EYA1: variants seen among roughly 807,000 people sequenced by gnomAD.
The protein encoded by EYA1 is protein phosphatase EYA1.
Under a neutral mutation model 82.0 loss-of-function variants are expected in EYA1, and 16 were observed. The ratio of observed to expected loss-of-function variants is 0.20; its 90% CI spans 0.13 to 0.30. The LOEUF is 0.30. EYA1 is among the 10% of genes least tolerant of loss of function. EYA1 has a pLI of 1.00. For synonymous variants in EYA1, 261 were observed against 264.4 expected, an observed-to-expected ratio of 0.99 and a Z score of 0.12; for missense variants, 633 against 730.7, an observed-to-expected ratio of 0.87 and a Z score of 1.54.
chr8:71,344,059 C>T (rs540146060), intron 3 of EYA1, among the ~76,000 whole-genome samples: 1 of 152,074 alleles, frequency 6.6e-6, no homozygotes, highest in Non-Finnish European at 1.5e-5. Context: ...AAGTAAGTTG[C>T]AGATATAATA....
rs184643035 is a variant in EYA1 at position 71,309,540 on chromosome 8, T to A, written c.556+8012A>T. Among the ~76,000 whole-genome samples, 15 of 152,390 alleles carry A rather than the reference T, an allele frequency of 9.8e-5. No homozygotes were observed. The East Asian group carries it at 2.7e-3, about 27-fold the overall frequency. On this transcript the variant is annotated intron_variant, in intron 7 of 17. Coordinates refer to ENST00000340726, the MANE Select transcript of EYA1 (RefSeq NM_000503.6). ...AATGCTTTATCACAGATTACTTTTT[T>A]AAGCTTAATGTATATTTTCCTAAAA...
intron 2 of EYA1, among the ~76,000 whole-genome samples, chr8:71,487,561 AG>A (rs1170463548): frequency 6.6e-6 from 1 of 152,200 alleles, no homozygotes; most frequent in East Asian, 1.9e-4. Flanking sequence ...CTCTACCAAA[AG>A]CTCAAGATCT....
chr8:71,372,273 T>C (rs1828128077), intron 2 of EYA1, among the ~76,000 whole-genome samples: 1 of 152,128 alleles, frequency 6.6e-6, no homozygotes, highest in South Asian at 2.1e-4. Flanking sequence ...TTCTAGAAAG[T>C]AGTAAAGCAA....
rs183378129 is a variant in EYA1, at chr8:71,248,952, T to A, written c.1051-4260A>T. 1.1e-4 allele frequency among the ~76,000 whole-genome samples: 16 copies of A among 152,318 alleles called. No homozygotes were observed. In the East Asian group the frequency reaches 3.1e-3, roughly 29 times the overall value. On this transcript the variant is annotated intron_variant, in intron 11 of 17. Coordinates refer to ENST00000340726, the MANE Select transcript of EYA1 (RefSeq NM_000503.6). Reference sequence around the variant, plus strand: ...CCAGGTCTTTAGTTTAATCTTACTATTTTTATAATACATAATTTTCTTGCA... The same window carrying A: ...CCAGGTCTTTAGTTTAATCTTACTAATTTTATAATACATAATTTTCTTGCA...
Position 71,211,181 on chromosome 8 carries a change from A to G in EYA1, c.1673T>C (p.Val558Ala), listed in dbSNP as rs376013085. The G allele has an allele frequency of 8.7e-6, 14 of 1,612,544 alleles. No homozygotes were observed. Among genetic ancestry groups the G allele is most frequent in the Middle Eastern group, 3.3e-4 (2 of 6,084 alleles). ...CTTTTTTGCTCCTTGTTCTTCTTCT[A>G]CACCATCTCCTATAACAACATACAC... ...KVVYVVIGDG[V>A]EEEQGAKKHA... Residue 558 changes from valine to alanine, a missense_variant, in exon 17 of 18, where the codon GTA becomes GCA. Physicochemically the swap from Val to Ala is moderately conservative, Grantham distance 64 (BLOSUM62 0). Transcript: ENST00000340726.
intron 7 of EYA1, among the ~76,000 whole-genome samples, chr8:71,301,221 CAG>C (rs1180848805): frequency 1.3e-5 from 2 of 152,178 alleles, no homozygotes; most frequent in Non-Finnish European, 1.5e-5. Context: ...AGTCAGAAAA[CAG>C]AGTTTCCAGT....
intron 17 of EYA1, chr8:71,204,313 C>T (rs1472922414): frequency 6.6e-6 from 1 of 152,158 alleles, no homozygotes. Context: ...CTACATATAA[C>T]AACAACCATA....
At chr8:71,535,848 C>G in exon 2 of EYA1, 1 of 949,054 alleles carries the variant, frequency 1.1e-6, no homozygotes, top group Admixed American at 2.9e-5. Flanking sequence ...CACCCCTGCA[C>G]CTGTGAACAA....
chr8:71,480,702 C>T (rs528877250), intron 2 of EYA1, among the ~76,000 whole-genome samples: 7 of 151,560 alleles, frequency 4.6e-5, no homozygotes, highest in South Asian at 2.1e-4. Flanking sequence ...ACCAAAGAAT[C>T]GAAACATTAT....
chr8:71,276,474 C>T (rs1163994285), intron 9 of EYA1, among the ~76,000 whole-genome samples: 2 of 152,144 alleles, frequency 1.3e-5, no homozygotes, highest in Admixed American at 6.5e-5. Context: ...AAACTTGTAC[C>T]AAAAGGAATC....
intron 9 of EYA1, among the ~76,000 whole-genome samples, chr8:71,298,267 A>T (rs1204414013): frequency 2.6e-5 from 4 of 152,180 alleles, no homozygotes; most frequent in African/African-American, 9.7e-5. Context: ...GGCAAGAGGA[A>T]GAAAACTTTG....
At chr8:71,309,719 C>G (rs1821124511) in intron 7 of EYA1, among the ~76,000 whole-genome samples, 1 of 152,068 alleles carries the variant, frequency 6.6e-6, no homozygotes. Context: ...AGAGGCAGAT[C>G]AAAGGAAACA....
rs941235632 is a variant in EYA1, at chr8:71,488,887, T to G, written c.33+46857A>C. 4.0e-4 allele frequency among the ~76,000 whole-genome samples: 61 copies of G among 152,238 alleles called. 3 individuals are homozygous for G. The highest frequency in any genetic ancestry group is 1.6e-4 in the Non-Finnish European group (11 of 68,042). On this transcript the variant is annotated intron_variant, in intron 2 of 18. Coordinates refer to the EYA1 transcript ENST00000643681. ...GATCTACATGCCTCTTCAACTGCAC[T>G]GCATCCCTTCAGCCTCTCATTAGAA...
chr8:71,384,699 C>T (rs1290679904), intron 2 of EYA1, among the ~76,000 whole-genome samples: 1 of 152,122 alleles, frequency 6.6e-6, no homozygotes, highest in Non-Finnish European at 1.5e-5. Context: ...CAGCATGAAT[C>T]TTTTTCTACT....
intron 2 of EYA1, among the ~76,000 whole-genome samples, chr8:71,387,536 C>T (rs1829036102): frequency 6.6e-6 from 1 of 152,000 alleles, no homozygotes; most frequent in South Asian, 2.1e-4. Flanking sequence ...ACGGAGAGAT[C>T]TGAAAAACAT....
chr8:71,458,053 C>T (rs1442366838), intron 2 of EYA1, among the ~76,000 whole-genome samples: 8 of 152,044 alleles, frequency 5.3e-5, no homozygotes, highest in Non-Finnish European at 8.8e-5. Context: ...GAGCGAATAT[C>T]TTGTTCTGTT....
At position 71,501,260 on chromosome 8, in the gene EYA1, G is replaced by A. The variant is rs538165337; in HGVS notation, c.33+34484C>T. Among the ~76,000 whole-genome samples the A allele has an allele frequency of 8.2e-4, 125 of 152,302 alleles. 1 individual carries two copies. The highest frequency in any genetic ancestry group is 2.9e-3 in the African/African-American group (119 of 41,554). The stretch of plus-strand genomic sequence containing the variant: ...TAAAAAGGAAGCCGGGGTCCCCTAG[G>A]GGGAAGGATGTCAAAAACAGAAGGA... On this transcript the variant is annotated intron_variant, in intron 2 of 18. Coordinates refer to the EYA1 transcript ENST00000643681.
Position 71,361,769 on chromosome 8 carries a change from C to G in EYA1, c.-177G>C, listed in dbSNP as rs950028402. 1 of 985,508 alleles carries G rather than the reference C, an allele frequency of 1.0e-6. No individual in the cohort carries two copies. The highest frequency in any genetic ancestry group is 4.7e-5 in the South Asian group (1 of 21,290). The allele number at this position is 985,508 out of a possible 1,614,324, so 61.0% of individuals were successfully genotyped here. A position where few individuals can be genotyped will look rare whatever the true frequency, so the allele number is the denominator to read the frequency against. ...GTACGCGCGGGGGCTCTCAGGCGCT[C>G]TGGTGCAGCCGCGGCGCTTCTGGGA... On this transcript the variant is annotated 5_prime_UTR_variant, in exon 1 of 18. Transcript: ENST00000340726.
chr8:71,257,492 A>G (rs1403784604), intron 11 of EYA1, among the ~76,000 whole-genome samples: 1 of 152,216 alleles, frequency 6.6e-6, no homozygotes, highest in Non-Finnish European at 1.5e-5. Context: ...TAAAATGCCA[A>G]AAACATTTTA....
Sources: gnomAD v4.1 joint callset for allele counts (sites outside exome capture counted in the v4.1 genomes callset) on GRCh38, gnomAD v4.1.1 for gene constraint, MANE v1.5 for transcripts, NCBI Gene and HGNC (gene_info 2026-07-23, HGNC 2026-07-21) for gene names.